Variants in WWOX observed in about 807,000 individuals in gnomAD.
WWOX encodes the protein WW domain containing oxidoreductase.
In WWOX, 69 loss-of-function variants were observed where a neutral mutation model predicts 46.2. That is an observed-to-expected ratio of 1.49 (90% CI 1.23 to 1.82). The LOEUF is 1.82. Among genes scored for constraint, WWOX ranks in the 40% most tolerant of loss-of-function variants. The pLI, the probability that WWOX is intolerant of heterozygous loss-of-function variation, is 0.00. For missense variants in WWOX, 919 were observed against 542.6 expected (o/e 1.69, Z -6.89); for synonymous variants, 359 against 202.6 (o/e 1.77, Z -6.56).
At chr16:78,768,537 C>T (rs977200142) in intron 8 of WWOX, among the ~76,000 whole-genome samples, 2 of 149,724 alleles carry the variant, frequency 1.3e-5, no homozygotes, top group East Asian at 2.0e-4. Context: ...TTGCAGTGAG[C>T]GGAGACTGCG....
chr16:78,146,501 C>T (rs1440997764), intron 4 of WWOX, among the ~76,000 whole-genome samples: 1 of 152,110 alleles, frequency 6.6e-6, no homozygotes, highest in African/African-American at 2.4e-5. Flanking sequence ...TCCGTGCATC[C>T]CTCACATTCA....
intron 5 of WWOX, among the ~76,000 whole-genome samples, chr16:78,239,202 C>T (rs2037543836): frequency 6.6e-6 from 1 of 152,194 alleles, no homozygotes; most frequent in Non-Finnish European, 1.5e-5. Context: ...TTCTCCCAGC[C>T]CTGGCCCAGT....
At chr16:78,616,942 T>G (rs917339583) in intron 8 of WWOX, among the ~76,000 whole-genome samples, 1 of 152,192 alleles carries the variant, frequency 6.6e-6, no homozygotes, top group African/African-American at 2.4e-5. Context: ...TGTTTTATAA[T>G]GTTCCTTTTG....
chr16:78,561,484 C>G (rs150561386), intron 8 of WWOX, among the ~76,000 whole-genome samples: 1 of 152,040 alleles, frequency 6.6e-6, no homozygotes, highest in East Asian at 1.9e-4. Context: ...ATGACAGTAC[C>G]TAGAGTATGA....
At chr16:78,316,600 C>T (rs1257289741) in intron 5 of WWOX, among the ~76,000 whole-genome samples, 1 of 152,138 alleles carries the variant, frequency 6.6e-6, no homozygotes, top group African/African-American at 2.4e-5. Context: ...GTCTCGGCCT[C>T]CCAAAGTGCT....
At chr16:78,442,466 C>T (rs1339526783) in intron 8 of WWOX, among the ~76,000 whole-genome samples, 2 of 152,114 alleles carry the variant, frequency 1.3e-5, no homozygotes, top group Non-Finnish European at 2.9e-5. Context: ...CACTACCAGC[C>T]CCTCCTGGGA....
At chr16:78,689,878 G>A (rs1030743942) in intron 8 of WWOX, among the ~76,000 whole-genome samples, 1 of 150,636 alleles carries the variant, frequency 6.6e-6, no homozygotes, top group Non-Finnish European at 1.5e-5. Context: ...GTGTTTTTTT[G>A]GAGACAGGGT....
intron 8 of WWOX, among the ~76,000 whole-genome samples, chr16:78,799,377 G>A (rs530281603): frequency 6.6e-6 from 1 of 152,176 alleles, no homozygotes; most frequent in African/African-American, 2.4e-5. Flanking sequence ...GCAAACACAT[G>A]CTCACACGTC....
In WWOX at chr16:78,236,674, A is replaced by G. The variant is rs544577741; in HGVS notation, c.516+72385A>G. Reference sequence around the variant, plus strand: ...ACTAGTAACCATGAACCTGTATATCAAAAAGCGTGACTAGAGTTTCATAGT... The same window carrying G: ...ACTAGTAACCATGAACCTGTATATCGAAAAGCGTGACTAGAGTTTCATAGT... On this transcript the variant is annotated intron_variant, in intron 5 of 8. Coordinates refer to ENST00000566780, the MANE Select transcript of WWOX (RefSeq NM_016373.4). Among the ~76,000 whole-genome samples the G allele has an allele frequency of 8.5e-5, 13 of 152,296 alleles. No homozygotes were observed. In the South Asian group the frequency reaches 2.7e-3, roughly 32 times the overall value.
At chr16:78,677,053 G>C (rs886775791) in intron 8 of WWOX, among the ~76,000 whole-genome samples, 1 of 132,334 alleles carries the variant, frequency 7.6e-6, no homozygotes, top group South Asian at 2.5e-4. Context: ...AATACCTAGC[G>C]TACTTTTTTT....
chr16:79,130,359 A>G (rs2049851254), intron 8 of WWOX, among the ~76,000 whole-genome samples: 1 of 152,224 alleles, frequency 6.6e-6, no homozygotes, highest in East Asian at 1.9e-4. Context: ...CATGATGATT[A>G]ATACAACTAA....
intron 6 of WWOX, among the ~76,000 whole-genome samples, chr16:78,416,430 G>T (rs555487969): frequency 7.9e-5 from 12 of 152,166 alleles, no homozygotes; most frequent in Non-Finnish European, 1.5e-4. Context: ...TTAATTAATA[G>T]AGGTGACAAG....
At chr16:79,098,420 C>A (rs1390570752) in intron 8 of WWOX, among the ~76,000 whole-genome samples, 2 of 152,204 alleles carry the variant, frequency 1.3e-5, no homozygotes, top group Non-Finnish European at 2.9e-5. Context: ...TTAACTAACC[C>A]CTCAGGGGTC....
At chr16:78,309,454 C>T (rs2080196839) in intron 5 of WWOX, among the ~76,000 whole-genome samples, 1 of 152,076 alleles carries the variant, frequency 6.6e-6, no homozygotes, top group Non-Finnish European at 1.5e-5. Flanking sequence ...GCTAATATAC[C>T]ACGTATGACT....
intron 8 of WWOX, among the ~76,000 whole-genome samples, chr16:78,637,480 A>G (rs2046601739): frequency 1.3e-5 from 2 of 151,984 alleles, no homozygotes; most frequent in Non-Finnish European, 2.9e-5. Flanking sequence ...CACGTTACAG[A>G]TGAGGCTTTT....
At chr16:78,581,546 TG>T (rs2045053287) in intron 8 of WWOX, among the ~76,000 whole-genome samples, 1 of 152,198 alleles carries the variant, frequency 6.6e-6, no homozygotes, top group African/African-American at 2.4e-5. Flanking sequence ...TTAATGGTAA[TG>T]ATCTTTTTAG....
chr16:78,331,959 G>T (rs1406272977), intron 5 of WWOX, among the ~76,000 whole-genome samples: 1 of 152,162 alleles, frequency 6.6e-6, no homozygotes, highest in Non-Finnish European at 1.5e-5. Context: ...AACCAGGCTA[G>T]CTGACTCCAA....
At position 78,414,153 on chromosome 16, in the gene WWOX, G is replaced by C. The variant is rs773082824; in HGVS notation, c.606-10717G>C. Among the ~76,000 whole-genome samples, 164 of 151,104 alleles carry C rather than the reference G, an allele frequency of 1.1e-3. 1 individual carries two copies. Among genetic ancestry groups the C allele is most frequent in the Non-Finnish European group, 1.9e-3 (131 of 67,810 alleles). Reference sequence around the variant, plus strand: ...TTGTGACCCCCGCCCCTGCCTGCAAGACAAAACCCCCTTTAACTGTAATTT... The same window carrying C: ...TTGTGACCCCCGCCCCTGCCTGCAACACAAAACCCCCTTTAACTGTAATTT... On this transcript the variant is annotated intron_variant, in intron 6 of 8. Coordinates refer to ENST00000566780, the MANE Select transcript of WWOX (RefSeq NM_016373.4).
chr16:79,143,666 T>C (rs2050132410), intron 8 of WWOX, among the ~76,000 whole-genome samples: 1 of 152,170 alleles, frequency 6.6e-6, no homozygotes, highest in Non-Finnish European at 1.5e-5. Flanking sequence ...CCATTATGTT[T>C]CACACCCTAT....
Sources: gnomAD v4.1 joint callset for allele counts (sites outside exome capture counted in the v4.1 genomes callset) on GRCh38, gnomAD v4.1.1 for gene constraint, MANE v1.5 for transcripts, NCBI Gene and HGNC (gene_info 2026-07-23, HGNC 2026-07-21) for gene names.